Variants in ODAD3 observed in about 807,000 individuals in gnomAD.
The protein encoded by ODAD3 is outer dynein arm docking complex subunit 3.
ODAD3 carries 57 observed loss-of-function variants against 70.9 expected under a neutral mutation model. The observed-to-expected ratio is 0.80, with a 90% confidence interval of 0.65 to 1.00. The LOEUF is 1.00. Ranked by LOEUF, ODAD3 falls within the 50% of genes least tolerant of loss-of-function variation. ODAD3 has a pLI of 0.00. For synonymous variants in ODAD3, 327 were observed against 315.9 expected, an observed-to-expected ratio of 1.04 and a Z score of -0.37; for missense variants, 797 against 763.9, an observed-to-expected ratio of 1.04 and a Z score of -0.51.
chr19:11,429,740 G>A (rs143224674), intron 3 of ODAD3, among the ~76,000 whole-genome samples: 6,339 of 150,128 alleles, frequency 0.042, 439 homozygotes, highest in African/African-American at 0.15. Context: ...GGGTTTCACC[G>A]TGTTAGCCAG....
chr19:11,430,817 T>A lies in ODAD3; in HGVS notation c.367-41A>T, dbSNP rs766327147. ...TCCAGTCACCTTTCAGCATGCCACC[T>A]CCAGCTAAGGCCAGGTGCTACCTAC... On this transcript the variant is annotated intron_variant, in intron 2 of 12. Coordinates refer to ENST00000356392, the MANE Select transcript of ODAD3 (RefSeq NM_145045.5). 1.9e-6 allele frequency: 3 copies of A among 1,613,850 alleles called. No individual in the cohort carries two copies. The Admixed American group carries it at 5.0e-5, about 27-fold the overall frequency.
In ODAD3 at chr19:11,426,282, G is replaced by C. The variant is rs373293869; in HGVS notation, c.841-16C>G. 6.2e-7 allele frequency: 1 copy of C among 1,613,422 alleles called. No individual in the cohort carries two copies. The highest frequency in any genetic ancestry group is 8.5e-7 in the Non-Finnish European group (1 of 1,179,764). ...GCAGCTGGTTCTGGAGGGCGGGCAG[G>C]GTAGCAGGGAGACCAGCTGGCACCT... On this transcript the variant is annotated splice_polypyrimidine_tract_variant and intron_variant, in intron 6 of 12. Transcript: ENST00000356392.
chr19:11,424,683 A>G (rs1248057321), intron 7 of ODAD3, among the ~76,000 whole-genome samples: 5 of 60,258 alleles, frequency 8.3e-5, no homozygotes, highest in Admixed American at 1.9e-4. Context: ...GTGTATATAT[A>G]CCTATGTGTA....
intron 3 of ODAD3, among the ~76,000 whole-genome samples, chr19:11,427,945 A>G (rs568832431): frequency 1.6e-4 from 24 of 151,942 alleles, no homozygotes; most frequent in African/African-American, 5.3e-4. Flanking sequence ...CTAAAAATAC[A>G]AAAAATTAGC....
upstream of ODAD3, chr19:11,435,762 G>T (rs1047908494): frequency 6.5e-6 from 9 of 1,379,438 alleles, no homozygotes; most frequent in Middle Eastern, 1.9e-4. Context: ...GGGGCAACCG[G>T]AGGGTGCATG....
Position 11,435,112 on chromosome 19 carries a change from T to C in ODAD3, c.-96A>G. 6.7e-7 allele frequency: 1 copy of C among 1,492,128 alleles called. No homozygotes were observed. The highest frequency in any genetic ancestry group is 1.3e-5 in the South Asian group (1 of 74,870). The allele number at this position is 1,492,128 out of a possible 1,614,324, so 92.4% of individuals were successfully genotyped here. A position where few individuals can be genotyped will look rare whatever the true frequency, so the allele number is the denominator to read the frequency against. On this transcript the variant is annotated 5_prime_UTR_variant, in exon 1 of 13. Coordinates refer to ENST00000356392, the MANE Select transcript of ODAD3 (RefSeq NM_145045.5). ...CCGTCAGCTCGGATTCCTAGGGCTC[T>C]GAAAAATGCACTTTCCGACCGCTAG...
At chr19:11,427,589 C>T (rs1969412119) in intron 3 of ODAD3, among the ~76,000 whole-genome samples, 1 of 150,494 alleles carries the variant, frequency 6.6e-6, no homozygotes, top group Non-Finnish European at 1.5e-5. Flanking sequence ...TCAAGCAATT[C>T]TCCTGCCTCA....
Position 11,421,732 on chromosome 19 carries a change from G to A in ODAD3, c.1535C>T (p.Ala512Val), listed in dbSNP as rs768657788. The A allele has an allele frequency of 6.2e-7, 1 of 1,613,392 alleles. No homozygotes were observed. Among genetic ancestry groups the A allele is most frequent in the Non-Finnish European group, 8.5e-7 (1 of 1,179,990 alleles). Residue 512 changes from alanine (A) to valine (V), a missense_variant, in exon 11 of 13, where the codon GCG becomes GTG. Ala to Val is a moderately conservative substitution (Grantham distance 64, BLOSUM62 0). Transcript: ENST00000356392. The stretch of plus-strand genomic sequence containing the variant: ...CTGCACGTCGTGGCCCTGGAGCTGC[G>A]CCTGCAGTTTCAGCAGCTTTTCCTC... ...LVEEKLLKLQAQLQGHDVQEM... is the reference protein window; with the variant it reads ...LVEEKLLKLQVQLQGHDVQEM...
chr19:11,428,946 C>T (rs1341893851), intron 3 of ODAD3, among the ~76,000 whole-genome samples: 2 of 151,662 alleles, frequency 1.3e-5, no homozygotes, highest in East Asian at 1.9e-4. Context: ...GGCATGATCT[C>T]GGCTCACAGC....
At chr19:11,428,699 C>A (rs1015716837) in intron 3 of ODAD3, among the ~76,000 whole-genome samples, 1 of 152,006 alleles carries the variant, frequency 6.6e-6, no homozygotes, top group African/African-American at 2.4e-5. Flanking sequence ...CAATCCTGTG[C>A]CACCACATTT....
chr19:11,431,203 C>G, intron 1 of ODAD3, 183 bp from the exon 2 acceptor site: 1 of 684,694 alleles, frequency 1.5e-6, no homozygotes, highest in Non-Finnish European at 2.4e-6. Flanking sequence ...CCTCCGCCTC[C>G]CGGGTTCAAG....
intron 1 of ODAD3, among the ~76,000 whole-genome samples, chr19:11,432,722 C>A (rs1290213228): frequency 2.0e-5 from 3 of 152,146 alleles, no homozygotes; most frequent in African/African-American, 7.2e-5. Context: ...GCATATCATA[C>A]CCCTTGCACA....
chr19:11,426,027 G>GT, intron 7 of ODAD3, 117 bp downstream of exon 7: 1 of 1,363,608 alleles, frequency 7.3e-7, no homozygotes, highest in Non-Finnish European at 9.8e-7. Flanking sequence ...CAGAGAGGGG[G>GT]CGGGGTTAGG....
At chr19:11,425,726 G>C (rs1341619958) in intron 7 of ODAD3, among the ~76,000 whole-genome samples, 1 of 139,202 alleles carries the variant, frequency 7.2e-6, no homozygotes, top group Non-Finnish European at 1.5e-5. Flanking sequence ...AAAACAAAAA[G>C]GCAGGACAGG....
intron 7 of ODAD3, among the ~76,000 whole-genome samples, chr19:11,425,006 T>TATATGTGTATATGTAC (rs1969256303): frequency 8.4e-6 from 1 of 118,978 alleles, no homozygotes; most frequent in Non-Finnish European, 1.6e-5. Flanking sequence ...TGTATATGTA[T>TATATGTGTATATGTAC]ATATGTGTAT....
rs187865557 is a variant in ODAD3, at chr19:11,422,003, G to T, written c.1435-171C>A. ...CTTAGGTCAAGGCCACGTCTGTGAT[G>T]GGGGAGCCTCTGAACTCTAACTCTA... On this transcript the variant is annotated intron_variant, in intron 10 of 12. Coordinates refer to ENST00000356392, the MANE Select transcript of ODAD3 (RefSeq NM_145045.5). The surrounding 1 kb of genome is among the most constrained non-coding windows in gnomAD (Gnocchi z 4.6). Among the ~76,000 whole-genome samples the T allele has an allele frequency of 2.6e-5, 4 of 152,228 alleles. No individual in the cohort carries two copies. Among genetic ancestry groups the T allele is most frequent in the Non-Finnish European group, 5.9e-5 (4 of 68,000 alleles).
At chr19:11,421,035 C>T in intron 12 of ODAD3, 88 bp from the exon 13 acceptor site, 1 of 1,579,860 alleles carries the variant, frequency 6.3e-7, no homozygotes, top group Non-Finnish European at 8.7e-7. Flanking sequence ...CCCACTCCAC[C>T]CCCACCTTGG....
At chr19:11,425,069 A>ATGTATATG (rs1313223890) in intron 7 of ODAD3, among the ~76,000 whole-genome samples, 2 of 124,518 alleles carry the variant, frequency 1.6e-5, no homozygotes, top group Non-Finnish European at 3.1e-5. Context: ...ATGTGTATAT[A>ATGTATATG]TGTATATGTG....
intron 7 of ODAD3, among the ~76,000 whole-genome samples, chr19:11,425,125 ATGTGTATATG>A (rs1969273322): frequency 2.3e-5 from 3 of 130,882 alleles, no homozygotes; most frequent in African/African-American, 3.5e-5. Flanking sequence ...ATATGTACAT[ATGTGTATATG>A]TGTATATGTA....
Sources: allele counts gnomAD v4.1 joint callset (sites outside exome capture counted in the v4.1 genomes callset), GRCh38; gene constraint gnomAD v4.1.1; non-coding constraint Gnocchi (gnomAD v3.1); transcripts MANE v1.5; gene names NCBI Gene and HGNC (gene_info 2026-07-23, HGNC 2026-07-21).